Variants in GHR observed in about 807,000 individuals in gnomAD.
The protein encoded by GHR is GH receptor.
In GHR, 35 loss-of-function variants were observed where a neutral mutation model predicts 67.1. That is an observed-to-expected ratio of 0.52 (90% CI 0.40 to 0.69). The LOEUF is 0.69. Among genes scored for constraint, GHR ranks in the 30% least tolerant of loss-of-function variants. The probability of loss-of-function intolerance (pLI) is 0.00; values close to 1 mark genes in which losing one functional copy is unlikely to be tolerated. For synonymous variants in GHR, 272 were observed against 269.1 expected (o/e 1.01, Z -0.10); for missense variants, 792 against 764.6 (o/e 1.04, Z -0.42).
intron 1 of GHR, among the ~76,000 whole-genome samples, chr5:42,525,228 C>A (rs1024158954): frequency 5.8e-4 from 88 of 152,310 alleles, no homozygotes; most frequent in African/African-American, 2.0e-3. Context: ...CTGTACTCTG[C>A]AAAGCCTCAG....
At chr5:42,474,317 G>GAAAGAAAGAAAGAA (rs961964807) in intron 1 of GHR, among the ~76,000 whole-genome samples, 6 of 138,852 alleles carry the variant, frequency 4.3e-5, no homozygotes, top group Non-Finnish European at 7.9e-5. Context: ...AAGAAAGAAA[G>GAAAGAAAGAAAGAA]AAAGAAAGAA....
chr5:42,494,404 C>A (rs1180873162), intron 1 of GHR, among the ~76,000 whole-genome samples: 2 of 152,068 alleles, frequency 1.3e-5, no homozygotes, highest in Non-Finnish European at 2.9e-5. Flanking sequence ...AACCAACTCT[C>A]ATTATTCAAA....
intron 1 of GHR, among the ~76,000 whole-genome samples, chr5:42,481,823 C>A (rs1165424089): frequency 6.6e-6 from 1 of 152,128 alleles, no homozygotes; most frequent in Non-Finnish European, 1.5e-5. Flanking sequence ...TTGCCATTGG[C>A]TCAAACTTCC....
chr5:42,612,892 T>C (rs1426681878), intron 2 of GHR, among the ~76,000 whole-genome samples: 1 of 152,080 alleles, frequency 6.6e-6, no homozygotes, highest in Non-Finnish European at 1.5e-5. Context: ...ACTCTCAGCC[T>C]AACAAGCATG....
At position 42,709,363 on chromosome 5, in the gene GHR, G is replaced by A. The variant is rs142208140; in HGVS notation, c.619-1844G>A. On this transcript the variant is annotated intron_variant, in intron 6 of 9. Transcript: ENST00000230882. ...TCATCATGTTGGCCAGACTGGTCTC[G>A]AACTCCTGACCTCAGGTCATCTGCC... Among the ~76,000 whole-genome samples the A allele has an allele frequency of 5.5e-4, 84 of 152,216 alleles. No homozygotes were observed. In the East Asian group the frequency reaches 0.014, roughly 25 times the overall value.
At chr5:42,466,861 C>G in intron 1 of GHR, 1 of 1,423,796 alleles carries the variant, frequency 7.0e-7, no homozygotes, top group Non-Finnish European at 9.4e-7. Context: ...ATGACCAATG[C>G]TGGAAGTCTT....
At chr5:42,648,164 C>T (rs184461649) in intron 3 of GHR, among the ~76,000 whole-genome samples, 1 of 152,268 alleles carries the variant, frequency 6.6e-6, no homozygotes, top group Admixed American at 6.5e-5. Flanking sequence ...TTATTTCCAA[C>T]ACAGGAATTT....
intron 1 of GHR, chr5:42,468,666 T>C: frequency 9.8e-7 from 1 of 1,017,514 alleles, no homozygotes; most frequent in Non-Finnish European, 1.5e-6. Flanking sequence ...CGCAGCTAGC[T>C]ATTTGCCTGC....
intron 1 of GHR, chr5:42,548,625 T>A: frequency 3.3e-6 from 1 of 303,216 alleles, no homozygotes; most frequent in South Asian, 1.3e-4. Context: ...TATAAATCTT[T>A]AATATATGGC....
intron 1 of GHR, among the ~76,000 whole-genome samples, chr5:42,529,999 CTT>C (rs376534691): frequency 0.012 from 689 of 57,624 alleles, 2 homozygotes; most frequent in African/African-American, 0.042. Context: ...TGAATCACTT[CTT>C]TTTTTTTTTT....
chr5:42,620,069 T>G (rs1373025625), intron 2 of GHR, among the ~76,000 whole-genome samples: 1 of 152,114 alleles, frequency 6.6e-6, no homozygotes, highest in Non-Finnish European at 1.5e-5. Flanking sequence ...AATCTTATTT[T>G]TATTATTTTT....
intron 1 of GHR, among the ~76,000 whole-genome samples, chr5:42,426,202 A>C (rs1742847258): frequency 6.6e-6 from 1 of 152,196 alleles, no homozygotes; most frequent in African/African-American, 2.4e-5. Context: ...TTTATAGCAT[A>C]ATATAATAAA....
chr5:42,690,161 G>A (rs1331014809), intron 4 of GHR, among the ~76,000 whole-genome samples: 1 of 152,232 alleles, frequency 6.6e-6, no homozygotes, highest in Non-Finnish European at 1.5e-5. Context: ...GGCTCAAGGT[G>A]TTCGTTAGTC....
chr5:42,536,118 GT>G (rs1230842730), intron 1 of GHR, among the ~76,000 whole-genome samples: 3 of 152,066 alleles, frequency 2.0e-5, no homozygotes, highest in African/African-American at 7.2e-5. Flanking sequence ...GACAGTGACA[GT>G]TTGACTTCCT....
At position 42,593,700 on chromosome 5, in the gene GHR, G is replaced by A. The variant is rs115875617; in HGVS notation, c.70+27756G>A. Among the ~76,000 whole-genome samples the A allele has an allele frequency of 4.2e-3, 641 of 152,246 alleles. 4 individuals carry two copies. The highest frequency in any genetic ancestry group is 0.014 in the African/African-American group (579 of 41,546). On this transcript the variant is annotated intron_variant, in intron 2 of 9. Coordinates refer to ENST00000230882, the MANE Select transcript of GHR (RefSeq NM_000163.5). ...GAGATCATACACATTTTTCACTTGT[G>A]GGGGAATGTCCTTAAGTAGAAATAG...
At chr5:42,574,969 A>G (rs1295289833) in intron 2 of GHR, among the ~76,000 whole-genome samples, 1 of 152,208 alleles carries the variant, frequency 6.6e-6, no homozygotes, top group Non-Finnish European at 1.5e-5. Context: ...TAAATACTAT[A>G]TAAATTACTG....
chr5:42,485,168 A>C (rs1360292508), intron 1 of GHR, among the ~76,000 whole-genome samples: 1 of 152,176 alleles, frequency 6.6e-6, no homozygotes, highest in Non-Finnish European at 1.5e-5. Context: ...TCTGTCCCTT[A>C]CCATGGTCTT....
chr5:42,672,092 A>G (rs1228893551), intron 3 of GHR, among the ~76,000 whole-genome samples: 1 of 152,190 alleles, frequency 6.6e-6, no homozygotes. Context: ...CAAGAAAAGG[A>G]TGCCTTTTCT....
chr5:42,521,495 T>C (rs1195129272), intron 1 of GHR, among the ~76,000 whole-genome samples: 1 of 152,328 alleles, frequency 6.6e-6, no homozygotes, highest in East Asian at 1.9e-4. Context: ...TCAGATATAA[T>C]TTAGAATTTA....
Sources: gnomAD v4.1 joint callset for allele counts (sites outside exome capture counted in the v4.1 genomes callset) on GRCh38, gnomAD v4.1.1 for gene constraint, MANE v1.5 for transcripts, NCBI Gene and HGNC (gene_info 2026-07-23, HGNC 2026-07-21) for gene names.